BANP: variants seen among roughly 807,000 people sequenced by gnomAD.
BANP encodes BTG3 associated nuclear protein, also known as protein BANP.
BANP carries 11 observed loss-of-function variants against 68.1 expected under a neutral mutation model. That is an observed-to-expected ratio of 0.16 (90% CI 0.10 to 0.27). BANP has a LOEUF of 0.27. BANP is among the 10% of genes least tolerant of loss of function. The pLI is 1.00. For missense variants in BANP, 504 were observed against 722.7 expected (o/e 0.70, Z 3.47); for synonymous variants, 329 against 303.2 (o/e 1.09, Z -0.88).
Position 88,071,488 on chromosome 16 carries a change from T to G in BANP, c.1378-581T>G, listed in dbSNP as rs2090316733. 2.2e-6 allele frequency: 1 copy of G among 456,330 alleles called. No homozygotes were observed. The highest frequency in any genetic ancestry group is 4.4e-6 in the Non-Finnish European group (1 of 226,822). 28.3% of individuals were successfully genotyped at this position (456,330 alleles called of 1,614,324 possible). On this transcript the variant is annotated intron_variant, in intron 12 of 13. Transcript: ENST00000682872. The surrounding 1 kb of genome is among the most constrained non-coding windows in gnomAD (Gnocchi z 6.5). Reference sequence around the variant, plus strand: ...ACAAGGTCGGGAGGGCCAGCGGGGCTCTCTGCCACCAGGACTCACTTCCGC... The same window carrying G: ...ACAAGGTCGGGAGGGCCAGCGGGGCGCTCTGCCACCAGGACTCACTTCCGC...
chr16:88,019,314 C>T (rs2075335066), intron 7 of BANP, among the ~76,000 whole-genome samples: 1 of 152,100 alleles, frequency 6.6e-6, no homozygotes, highest in Non-Finnish European at 1.5e-5. Flanking sequence ...CTCCACAGAG[C>T]CCGTCTGCTT....
chr16:88,005,996 C>T (rs1018222772), intron 5 of BANP, 94 bp from the exon 6 acceptor site: 9 of 1,486,096 alleles, frequency 6.1e-6, no homozygotes, highest in African/African-American at 4.2e-5. Context: ...CTGGTCCACA[C>T]AGAGTTAGAT....
chr16:88,033,374 G>C (rs946127366), intron 9 of BANP, 129 bp downstream of exon 9: 9 of 1,003,040 alleles, frequency 9.0e-6, no homozygotes, highest in Non-Finnish European at 1.2e-5. Flanking sequence ...GAGGCACAAG[G>C]TCCCCATTTA....
In BANP at chr16:88,004,327, A is replaced by G; in HGVS notation, c.395A>G (p.Asn132Ser). The G allele has an allele frequency of 1.3e-6, 2 of 1,549,772 alleles. No individual in the cohort carries two copies. The highest frequency in any genetic ancestry group is 8.7e-7 in the Non-Finnish European group (1 of 1,145,850). ...VVPQTTVILNNDRQNAIVAKM... is the reference protein window; with the variant it reads ...VVPQTTVILNSDRQNAIVAKM... ...CCCCAGACTACAGTAATACTCAACAATGATCGGCAGAACGCCATTGTAGCC... is the reference window on the plus strand; with the variant it reads ...CCCCAGACTACAGTAATACTCAACAGTGATCGGCAGAACGCCATTGTAGCC... Residue 132 changes from asparagine (N) to serine (S), a missense_variant, in exon 5 of 14, where the codon AAT becomes AGT. By Grantham distance (46) the Asn-to-Ser change is conservative. Around this residue, in one of 3 missense-constraint regions of BANP, gnomAD observed 238 missense variants for 278.9 expected, o/e 0.85. Coordinates refer to ENST00000682872, the MANE Select transcript of BANP (RefSeq NM_001386991.1). This position sits in a 1 kb window ranked among gnomAD's most constrained non-coding sequence, Gnocchi z 7.0.
At chr16:87,956,250 A>G (rs908180217) in intron 1 of BANP, among the ~76,000 whole-genome samples, 1 of 152,264 alleles carries the variant, frequency 6.6e-6, no homozygotes, top group African/African-American at 2.4e-5. Context: ...ACTGCAATCT[A>G]GAGAAACTAA....
At chr16:87,975,004 C>T (rs1000198383) in intron 1 of BANP, 44 bp from the exon 2 acceptor site, 45 of 870,426 alleles carry the variant, frequency 5.2e-5, no homozygotes, top group East Asian at 2.8e-4. Context: ...TCACGTGTAG[C>T]GATGGTTAAT....
In BANP at chr16:88,045,149, G is replaced by A. The variant is rs1447396953; in HGVS notation, c.1311+7138G>A. On this transcript the variant is annotated intron_variant, in intron 11 of 13. Coordinates refer to ENST00000682872, the MANE Select transcript of BANP (RefSeq NM_001386991.1). ...AAATGTGCTAGTTAAAAAATGTTTA[G>A]CATTCTTCTCAGGGCTTTTCATCTA... Among the ~76,000 whole-genome samples the A allele has an allele frequency of 4.6e-5, 7 of 152,032 alleles. No individual in the cohort carries two copies. The South Asian group carries it at 1.0e-3, about 23-fold the overall frequency.
intron 6 of BANP, among the ~76,000 whole-genome samples, chr16:88,013,720 C>T (rs1158313873): frequency 6.6e-6 from 1 of 152,220 alleles, no homozygotes; most frequent in African/African-American, 2.4e-5. Flanking sequence ...ACCCCCTTGC[C>T]TCAGAACCTC....
At chr16:87,962,747 T>C (rs527979618) in intron 1 of BANP, among the ~76,000 whole-genome samples, 31 of 152,126 alleles carry the variant, frequency 2.0e-4, no homozygotes, top group African/African-American at 7.5e-4. Context: ...TCGGGAGAAG[T>C]GTTCTTGCTT....
upstream of BANP, chr16:87,950,875 A>C (rs1228064205): frequency 6.6e-6 from 1 of 152,198 alleles, no homozygotes; most frequent in Non-Finnish European, 1.5e-5. Context: ...TATGTCAGGG[A>C]AAACGCCACC....
At chr16:88,050,648 C>G (rs1335815566) in intron 11 of BANP, among the ~76,000 whole-genome samples, 1 of 152,126 alleles carries the variant, frequency 6.6e-6, no homozygotes, top group Non-Finnish European at 1.5e-5. Context: ...AGAAACCCAT[C>G]ATTTGGATAA....
At chr16:88,053,033 C>CA (rs1480034032) in intron 11 of BANP, among the ~76,000 whole-genome samples, 4 of 151,852 alleles carry the variant, frequency 2.6e-5, no homozygotes, top group Non-Finnish European at 5.9e-5. Flanking sequence ...GTCACCCTAA[C>CA]AAACACTACC....
At position 88,076,590 on chromosome 16, in the gene BANP, A is replaced by C. The variant is rs756704977; in HGVS notation, c.1522A>C (p.Thr508Pro). Reference protein sequence around the residue: ...PVSDHTAGAQTAEALQPTLQP... With the variant: ...PVSDHTAGAQPAEALQPTLQP... ...AGTCCCTCCTTTCTCCCTTTTGCAG[A>C]CGGCCGAAGCCCTGCAGCCCACGCT... Residue 508 changes from threonine to proline, a missense_variant and splice_region_variant, in exon 14 of 14, where the codon ACG (threonine) becomes CCG (proline). By Grantham distance (38) the Thr-to-Pro change is conservative (BLOSUM62 -1). Coordinates refer to ENST00000682872, the MANE Select transcript of BANP (RefSeq NM_001386991.1). 2.4e-5 allele frequency: 38 copies of C among 1,612,412 alleles called. 1 individual carries two copies. The East Asian group carries it at 8.5e-4, about 36-fold the overall frequency.
chr16:87,985,485 C>T (rs1320234618), intron 4 of BANP, among the ~76,000 whole-genome samples: 1 of 152,132 alleles, frequency 6.6e-6, no homozygotes, highest in African/African-American at 2.4e-5. Context: ...AGCTGTTAGA[C>T]CCAATGCCTT....
intron 8 of BANP, among the ~76,000 whole-genome samples, chr16:88,031,431 G>A (rs186542923): frequency 1.3e-5 from 2 of 151,996 alleles, no homozygotes; most frequent in African/African-American, 2.4e-5. Flanking sequence ...ATCATTTGAG[G>A]TCAGGAGTTC....
At chr16:88,025,834 C>G (rs367778469) in intron 7 of BANP, among the ~76,000 whole-genome samples, 32 of 152,194 alleles carry the variant, frequency 2.1e-4, no homozygotes, top group Middle Eastern at 3.2e-3. Flanking sequence ...TGAAACGGGA[C>G]ACTTTTCAGC....
chr16:88,025,984 T>A (rs2076912719), intron 7 of BANP, among the ~76,000 whole-genome samples: 1 of 152,224 alleles, frequency 6.6e-6, no homozygotes, highest in African/African-American at 2.4e-5. Context: ...GCTACAGGGA[T>A]GGGGTCCTGT....
chr16:87,964,597 C>T (rs962127362), intron 1 of BANP, among the ~76,000 whole-genome samples: 1 of 84,200 alleles, frequency 1.2e-5, no homozygotes, highest in Non-Finnish European at 2.6e-5. Flanking sequence ...AGATGGGAAG[C>T]CCTCGGAGGG....
intron 11 of BANP, among the ~76,000 whole-genome samples, chr16:88,053,086 A>G (rs1404838381): frequency 6.6e-6 from 1 of 151,710 alleles, no homozygotes; most frequent in African/African-American, 2.4e-5. Context: ...CACCAACCCA[A>G]CCACCCTAAC....
Sources: gnomAD v4.1 joint callset for allele counts (sites outside exome capture counted in the v4.1 genomes callset) on GRCh38, gnomAD v4.1.1 for gene constraint, gnomAD v4.1.1 regional missense constraint, Gnocchi (gnomAD v3.1) non-coding constraint, MANE v1.5 for transcripts, NCBI Gene and HGNC (gene_info 2026-07-23, HGNC 2026-07-21) for gene names.